NCKAP5: variants seen among roughly 807,000 people sequenced by gnomAD.
NCKAP5 encodes NCK associated protein 5, also known as nck-associated protein 5.
Under a neutral mutation model 167.0 loss-of-function variants are expected in NCKAP5, and 92 were observed. That is an observed-to-expected ratio of 0.55 (90% confidence interval 0.47 to 0.66). The LOEUF is 0.66. Among genes scored for constraint, NCKAP5 ranks in the 30% least tolerant of loss-of-function variants. The pLI is 0.00. For missense variants in NCKAP5, 2,378 were observed against 2,315.0 expected, an observed-to-expected ratio of 1.03 and a Z score of -0.56; for synonymous variants, 891 against 877.4, an observed-to-expected ratio of 1.02 and a Z score of -0.27.
At chr2:132,976,456 C>T (rs1038510510) in intron 7 of NCKAP5, among the ~76,000 whole-genome samples, 44 of 150,488 alleles carry the variant, frequency 2.9e-4, no homozygotes, top group Admixed American at 1.0e-3. Context: ...CCCAGCTACT[C>T]GGGAGGCTGA....
At chr2:133,153,829 C>CTTT (rs1559199432) in intron 5 of NCKAP5, among the ~76,000 whole-genome samples, 1 of 129,948 alleles carries the variant, frequency 7.7e-6, no homozygotes, top group Non-Finnish European at 1.6e-5. Flanking sequence ...AATAGTTCCT[C>CTTT]CTTCTTTTTT....
At chr2:132,817,811 T>C (rs1467910488) in intron 11 of NCKAP5, among the ~76,000 whole-genome samples, 1 of 152,172 alleles carries the variant, frequency 6.6e-6, no homozygotes, top group African/African-American at 2.4e-5. Flanking sequence ...CCAGTGTGGT[T>C]TGTGTCCACA....
the NCKAP5 span, among the ~76,000 whole-genome samples, chr2:133,634,981 T>C: frequency 6.6e-6 from 1 of 152,150 alleles, no homozygotes; most frequent in African/African-American, 2.4e-5. Context: ...CCTATTCTCC[T>C]GCCTCAGCCT....
intron 8 of NCKAP5, chr2:132,911,203 T>C (rs540978839): frequency 4.6e-4 from 85 of 184,452 alleles, no homozygotes; most frequent in African/African-American, 1.8e-3. Flanking sequence ...AAGAAACAAA[T>C]TGCTGGTCAT....
chr2:133,008,053 A>G (rs1289192836), intron 6 of NCKAP5, among the ~76,000 whole-genome samples: 2 of 152,114 alleles, frequency 1.3e-5, no homozygotes, highest in Non-Finnish European at 2.9e-5. Context: ...GACTGAAGAT[A>G]TATATGGGAC....
the NCKAP5 span, among the ~76,000 whole-genome samples, chr2:133,652,101 C>T: frequency 6.6e-6 from 1 of 152,120 alleles, no homozygotes; most frequent in Non-Finnish European, 1.5e-5. Flanking sequence ...TAGTGACTCA[C>T]CTTTTCACAA....
chr2:132,721,902 C>T (rs1401233124), intron 19 of NCKAP5, among the ~76,000 whole-genome samples: 1 of 152,208 alleles, frequency 6.6e-6, no homozygotes, highest in African/African-American at 2.4e-5. Flanking sequence ...TCTAGGACCT[C>T]ACCACCTTCT....
At chr2:133,483,084 A>G (rs1001063085) in intron 3 of NCKAP5, among the ~76,000 whole-genome samples, 1 of 152,126 alleles carries the variant, frequency 6.6e-6, no homozygotes, top group African/African-American at 2.4e-5. Flanking sequence ...TTATCTATCT[A>G]TCTATCTAGC....
At chr2:133,518,940 T>C (rs1204245380) in intron 2 of NCKAP5, among the ~76,000 whole-genome samples, 3 of 152,208 alleles carry the variant, frequency 2.0e-5, no homozygotes, top group Non-Finnish European at 4.4e-5. Flanking sequence ...TAAATAAACA[T>C]AGACATTGTA....
At chr2:133,513,131 G>T (rs894492303) in intron 3 of NCKAP5, among the ~76,000 whole-genome samples, 1 of 152,156 alleles carries the variant, frequency 6.6e-6, no homozygotes, top group African/African-American at 2.4e-5. Context: ...TTACTGAATT[G>T]TGGACAGAGC....
At chr2:133,302,803 AT>A (rs1183799190) in intron 4 of NCKAP5, among the ~76,000 whole-genome samples, 1,739 of 150,858 alleles carry the variant, frequency 0.012, 36 homozygotes, top group African/African-American at 0.037. Context: ...AATAAAAAAA[AT>A]AAATAAATAA....
intron 8 of NCKAP5, among the ~76,000 whole-genome samples, chr2:132,916,831 C>G (rs1694917713): frequency 1.3e-5 from 2 of 150,934 alleles, no homozygotes; most frequent in Non-Finnish European, 3.0e-5. Context: ...CATCTCTTTA[C>G]TTTTTTGGAG....
intron 16 of NCKAP5, among the ~76,000 whole-genome samples, chr2:132,755,939 CAA>C (rs935609619): frequency 6.6e-6 from 1 of 151,672 alleles, no homozygotes; most frequent in African/African-American, 2.4e-5. Context: ...GGAATGGTAT[CAA>C]ACACTCAGAT....
the NCKAP5 span, among the ~76,000 whole-genome samples, chr2:133,647,430 GAAGA>G: frequency 0.13 from 11,231 of 83,522 alleles, 2,112 homozygotes; most frequent in East Asian, 0.45. Flanking sequence ...AGAAAGAAAG[GAAGA>G]AAGAAAGAAA....
At chr2:132,955,991 G>A (rs2149170096) in intron 8 of NCKAP5, among the ~76,000 whole-genome samples, 1 of 152,218 alleles carries the variant, frequency 6.6e-6, no homozygotes, top group East Asian at 1.9e-4. Context: ...GGTTACAGAG[G>A]CTATGGGGGT....
chr2:133,302,761 C>T (rs1288214841), intron 4 of NCKAP5, among the ~76,000 whole-genome samples: 4 of 147,030 alleles, frequency 2.7e-5, no homozygotes, highest in African/African-American at 1.0e-4. Flanking sequence ...TGCACATGTA[C>T]CCTAAAACTT....
In NCKAP5 at chr2:132,783,525, C is replaced by T. The variant is rs371813483; in HGVS notation, c.3286G>A (p.Ala1096Thr). Residue 1096 changes from alanine to threonine, a missense_variant, in exon 14 of 20, where the codon GCC (alanine) becomes ACC (threonine). This residue lies in a region of NCKAP5 where 1,325 missense variants were observed against 1,274.5 expected (regional missense o/e 1.04). Coordinates refer to ENST00000409261, the MANE Select transcript of NCKAP5 (RefSeq NM_207363.3). ...PGRKGQLNDSASTPPKPSFLG... is the reference protein window; with the variant it reads ...PGRKGQLNDSTSTPPKPSFLG... ...AAGGAAGGCTTGGGGGGTGTGGAGG[C>T]GCTATCATTCAATTGTCCTTTTCTC... The T allele has an allele frequency of 2.3e-5, 37 of 1,613,162 alleles. No individual in the cohort carries two copies. The highest frequency in any genetic ancestry group is 1.3e-4 in the Admixed American group (8 of 59,948).
chr2:133,181,688 G>C (rs1252944104), intron 5 of NCKAP5, among the ~76,000 whole-genome samples: 2 of 151,374 alleles, frequency 1.3e-5, no homozygotes, highest in East Asian at 3.9e-4. Flanking sequence ...TGAGGTGAAA[G>C]GATTGCTTGA....
At chr2:133,118,591 T>C (rs754050459) in intron 6 of NCKAP5, 2 of 152,064 alleles carry the variant, frequency 1.3e-5, no homozygotes, top group Non-Finnish European at 2.9e-5. Context: ...AAAGGGAAGA[T>C]ATAATATGCA....
Sources: gnomAD v4.1 joint callset for allele counts (sites outside exome capture counted in the v4.1 genomes callset) on GRCh38, gnomAD v4.1.1 for gene constraint, gnomAD v4.1.1 regional missense constraint, MANE v1.5 for transcripts, NCBI Gene and HGNC (gene_info 2026-07-23, HGNC 2026-07-21) for gene names.